Variants in ARSJ observed in about 807,000 individuals in gnomAD.
The protein encoded by ARSJ is arylsulfatase J.
In ARSJ, 26 loss-of-function variants were observed where a neutral mutation model predicts 35.9. That is an observed-to-expected ratio of 0.72 (90% CI 0.53 to 1.00). The LOEUF (loss-of-function observed/expected upper bound fraction) is 1.00. Among genes scored for constraint, ARSJ ranks in the 50% least tolerant of loss-of-function variants. The probability of loss-of-function intolerance (pLI) is 0.00; values close to 1 mark genes in which losing one functional copy is unlikely to be tolerated. For missense variants in ARSJ, 667 were observed against 723.6 expected, an observed-to-expected ratio of 0.92 and a Z score of 0.90; for synonymous variants, 294 against 267.6, an observed-to-expected ratio of 1.10 and a Z score of -0.96.
chr4:113,957,668 T>C (rs536959292), intron 1 of ARSJ, among the ~76,000 whole-genome samples: 5 of 152,106 alleles, frequency 3.3e-5, no homozygotes, highest in Admixed American at 2.0e-4. Flanking sequence ...GGTGACTGAT[T>C]TGTGTATTGA....
At chr4:113,977,386 G>C (rs1287709992) in intron 1 of ARSJ, among the ~76,000 whole-genome samples, 1 of 152,192 alleles carries the variant, frequency 6.6e-6, no homozygotes, top group Non-Finnish European at 1.5e-5. Context: ...AAAAGTCTCT[G>C]CGAGACAGAG....
chr4:113,902,998 A>G lies in ARSJ; in HGVS notation c.1076T>C (p.Val359Ala), dbSNP rs1205229253. 6.2e-7 allele frequency: 1 copy of G among 1,613,978 alleles called. No homozygotes were observed. The highest frequency in any genetic ancestry group is 8.5e-7 in the Non-Finnish European group (1 of 1,180,020). Residue 359 changes from valine to alanine, a missense_variant, in exon 2 of 2, where the codon GTG (valine) becomes GCG (alanine). By Grantham distance (64) the Val-to-Ala change is moderately conservative. Transcript: ENST00000315366. ...CTTGTTTTTCAGAAGTGGGCTATGC[A>G]CAAAGCCTACAGCCCGGATCCCTCC... is the stretch of plus-strand genomic sequence containing the variant. ...WEGGIRAVGF[V>A]HSPLLKNKGT... is the part of the protein sequence containing the mutation.
rs751520337 is a variant in ARSJ, at chr4:113,902,203, G to T, written c.*71C>A. On this transcript the variant is annotated 3_prime_UTR_variant, in exon 2 of 2. Transcript: ENST00000315366. The stretch of plus-strand genomic sequence containing the variant: ...CCAGCGATATTATCGAGCCAAATTT[G>T]CTGGTTTACCTAGGAAACAGATGAA... 1.3e-6 allele frequency: 2 copies of T among 1,599,686 alleles called. No homozygotes were observed. The highest frequency in any genetic ancestry group is 1.1e-5 in the South Asian group (1 of 90,908).
At chr4:113,927,937 A>G (rs1048701988) in intron 1 of ARSJ, among the ~76,000 whole-genome samples, 9 of 152,222 alleles carry the variant, frequency 5.9e-5, no homozygotes, top group African/African-American at 1.7e-4. Flanking sequence ...CTTTCCCACC[A>G]TAATAGCCCT....
chr4:113,954,051 C>G (rs1430877191), intron 1 of ARSJ, among the ~76,000 whole-genome samples: 3 of 151,946 alleles, frequency 2.0e-5, no homozygotes, highest in Non-Finnish European at 4.4e-5. Context: ...TAATGCTTTT[C>G]TCAAGACAGA....
chr4:113,950,015 A>T (rs1309227733), intron 1 of ARSJ, among the ~76,000 whole-genome samples: 1 of 152,022 alleles, frequency 6.6e-6, no homozygotes, highest in Non-Finnish European at 1.5e-5. Context: ...CTGGAAATGG[A>T]GGCAGACACT....
chr4:113,929,461 G>A (rs553141933), intron 1 of ARSJ, among the ~76,000 whole-genome samples: 359 of 152,232 alleles, frequency 2.4e-3, no homozygotes, highest in African/African-American at 8.3e-3. Context: ...CACTACTGGG[G>A]ATGGGGAAGT....
At chr4:113,953,572 A>G (rs774066863) in intron 1 of ARSJ, among the ~76,000 whole-genome samples, 3 of 152,106 alleles carry the variant, frequency 2.0e-5, no homozygotes, top group African/African-American at 4.8e-5. Flanking sequence ...AATTTCCAAT[A>G]GGATTTGAAT....
intron 1 of ARSJ, among the ~76,000 whole-genome samples, chr4:113,961,342 G>A (rs1726525410): frequency 6.6e-6 from 1 of 152,090 alleles, no homozygotes; most frequent in Non-Finnish European, 1.5e-5. Flanking sequence ...TTCTTTTGCA[G>A]GATATGTTCT....
chr4:113,913,474 CA>C (rs1204365287), intron 1 of ARSJ, among the ~76,000 whole-genome samples: 1 of 151,862 alleles, frequency 6.6e-6, no homozygotes, highest in Non-Finnish European at 1.5e-5. Context: ...ACCCATACTT[CA>C]AAAAAATAAG....
chr4:113,948,659 T>C lies in ARSJ; in HGVS notation c.398+29778A>G, dbSNP rs986991186. Reference sequence around the variant, plus strand: ...TTCACTGATTTTAGCTATATGTATATGTCTAAGTGATCATACTTTAGAACC... The same window carrying C: ...TTCACTGATTTTAGCTATATGTATACGTCTAAGTGATCATACTTTAGAACC... On this transcript the variant is annotated intron_variant, in intron 1 of 1. Transcript: ENST00000315366. 2.0e-5 allele frequency among the ~76,000 whole-genome samples: 3 copies of C among 152,282 alleles called. No homozygotes were observed. In the East Asian group the frequency reaches 5.8e-4, roughly 29 times the overall value.
In ARSJ at chr4:113,901,643, C is replaced by G. The variant is rs1318175211; in HGVS notation, c.*631G>C. ...CATTCTTATTTGCCATTCCCTCACG[C>G]ATGGTAAAATGAGGTGCAAGCTGTT... On this transcript the variant is annotated 3_prime_UTR_variant, in exon 2 of 2. Transcript: ENST00000315366. The G allele has an allele frequency of 6.6e-6, 1 of 152,378 alleles. No homozygotes were observed. The highest frequency in any genetic ancestry group is 6.6e-5 in the Admixed American group (1 of 15,262). The allele number at this position is 152,378 out of a possible 1,614,324, so 9.4% of individuals were successfully genotyped here. A position where few individuals can be genotyped will look rare whatever the true frequency, so the allele number is the denominator to read the frequency against.
At chr4:113,962,190 T>C (rs1351055295) in intron 1 of ARSJ, among the ~76,000 whole-genome samples, 1 of 152,042 alleles carries the variant, frequency 6.6e-6, no homozygotes, top group East Asian at 1.9e-4. Context: ...CAGACAAGCA[T>C]GCTTGCCCTA....
At position 113,903,262 on chromosome 4, in the gene ARSJ, G is replaced by T; in HGVS notation, c.812C>A (p.Pro271Gln). ...LYIAYQAVHSPLQAPGRYFEH... is the reference protein window; with the variant it reads ...LYIAYQAVHSQLQAPGRYFEH... ...GAAATACCTGCCAGGAGCTTGCAGTGGTGAATGAACAGCTTGATAGGCAAT... is the reference window on the plus strand; with the variant it reads ...GAAATACCTGCCAGGAGCTTGCAGTTGTGAATGAACAGCTTGATAGGCAAT... The change falls in exon 2 of 2, where the codon CCA becomes CAA. Residue 271 changes from proline to glutamine, a missense_variant. Coordinates refer to ENST00000315366, the MANE Select transcript of ARSJ (RefSeq NM_024590.4). 1 of 1,614,134 alleles carries T rather than the reference G, an allele frequency of 6.2e-7. No homozygotes were observed. Among genetic ancestry groups the T allele is most frequent in the Non-Finnish European group, 8.5e-7 (1 of 1,180,038 alleles).
intron 1 of ARSJ, chr4:113,943,470 T>C (rs1283093957): frequency 6.6e-6 from 1 of 151,998 alleles, no homozygotes; most frequent in Admixed American, 6.6e-5. Flanking sequence ...TCCTTTCTTT[T>C]AAAAAATATT....
intron 1 of ARSJ, among the ~76,000 whole-genome samples, chr4:113,908,992 A>C (rs2099669624): frequency 6.6e-6 from 1 of 152,076 alleles, no homozygotes. Flanking sequence ...GATTGTTTAG[A>C]GATTGTTTAG....
Position 113,902,462 on chromosome 4 carries a change from TG to T in ARSJ, c.1611del (p.Asp539ThrfsTer70). The T allele has an allele frequency of 1.2e-6, 2 of 1,614,072 alleles. No homozygotes were observed. Among genetic ancestry groups the T allele is most frequent in the Non-Finnish European group, 1.7e-6 (2 of 1,180,000 alleles). The stretch of plus-strand genomic sequence containing the variant: ...AGCCTAGGGTTACTTCTGGGGTCTT[TG>T]GGGGGATACCTGACCGGCACTGCAG... ...NKTAVPVRYP[P>X]KDPRSNPRLN... On this transcript the variant is annotated frameshift_variant, in exon 2 of 2. Coordinates refer to ENST00000315366, the MANE Select transcript of ARSJ (RefSeq NM_024590.4). LOFTEE classifies it low-confidence loss of function (END_TRUNC).
chr4:113,972,640 T>G lies in ARSJ; in HGVS notation c.398+5797A>C, dbSNP rs117867562. Among the ~76,000 whole-genome samples the G allele has an allele frequency of 0.013, 2,036 of 152,210 alleles. 115 individuals carry two copies. The East Asian group carries it at 0.16, about 12-fold the overall frequency. ...TCCTCCCACCTCAGCCTCCCTAGTA[T>G]CTGGGACTACAGGTGCATGCCACCA... On this transcript the variant is annotated intron_variant, in intron 1 of 1. Coordinates refer to ENST00000315366, the MANE Select transcript of ARSJ (RefSeq NM_024590.4).
intron 1 of ARSJ, among the ~76,000 whole-genome samples, chr4:113,956,312 C>T (rs1197357827): frequency 1.3e-5 from 2 of 152,004 alleles, no homozygotes; most frequent in African/African-American, 4.8e-5. Flanking sequence ...ATATATTCCC[C>T]TAGAACATAA....
Sources: allele counts gnomAD v4.1 joint callset (sites outside exome capture counted in the v4.1 genomes callset), GRCh38; gene constraint gnomAD v4.1.1; transcripts MANE v1.5; gene names NCBI Gene and HGNC (gene_info 2026-07-23, HGNC 2026-07-21).